Variants in CNTN4 observed in about 807,000 individuals in gnomAD.
The protein encoded by CNTN4 is contactin 4.
Under a neutral mutation model 122.5 loss-of-function variants are expected in CNTN4, and 77 were observed. That is an observed-to-expected ratio of 0.63 (90% CI 0.52 to 0.76). The LOEUF (loss-of-function observed/expected upper bound fraction) is 0.76, where lower values mean the gene tolerates loss of function less well. Ranked by LOEUF, CNTN4 falls within the 30% of genes least tolerant of loss-of-function variation. The pLI is 0.00. For missense variants in CNTN4, 1,256 were observed against 1,259.1 expected (o/e 1.00, Z 0.04); for synonymous variants, 512 against 447.0 (o/e 1.15, Z -1.83).
chr3:2,844,072 C>T (rs565043070), intron 7 of CNTN4, among the ~76,000 whole-genome samples: 25 of 152,272 alleles, frequency 1.6e-4, no homozygotes, highest in Admixed American at 3.3e-4. Context: ...ACATGAAACA[C>T]GTCCCTCCTA....
chr3:2,723,492 C>G (rs2087997096), intron 4 of CNTN4, among the ~76,000 whole-genome samples: 1 of 152,180 alleles, frequency 6.6e-6, no homozygotes, highest in Admixed American at 6.5e-5. Context: ...GAGGGCTGCT[C>G]TGTGCTTCCA....
rs116479751 is a variant in CNTN4, at chr3:2,522,655, T to C, written c.-88-48761T>C. On this transcript the variant is annotated intron_variant, in intron 3 of 24. Coordinates refer to ENST00000418658, the MANE Select transcript of CNTN4 (RefSeq NM_175607.3). ...AGTTTGGACAGTGCTTCTTAAACAT[T>C]AGTGTGTGGAAATGCAGATTCTGAT... 2.9e-3 allele frequency among the ~76,000 whole-genome samples: 443 copies of C among 152,076 alleles called. 2 individuals carry two copies. Among genetic ancestry groups the C allele is most frequent in the African/African-American group, 0.01 (421 of 41,508 alleles).
At position 2,481,137 on chromosome 3, in the gene CNTN4, CTCTT is replaced by C. The variant is rs774784496; in HGVS notation, c.-88-90269_-88-90266del. Among the ~76,000 whole-genome samples the C allele has an allele frequency of 1.8e-3, 236 of 133,754 alleles. 2 individuals carry two copies. Among genetic ancestry groups the C allele is most frequent in the Non-Finnish European group, 2.8e-3 (170 of 61,358 alleles). 87.7% of individuals were successfully genotyped at this position (133,754 alleles called of 152,430 possible). On this transcript the variant is annotated intron_variant, in intron 3 of 24. Coordinates refer to ENST00000418658, the MANE Select transcript of CNTN4 (RefSeq NM_175607.3). ...TCTCTCTTTCTCCCTCTTTCTTTCT[CTCTT>C]TCTTTCTTTGTTTTTTTGAAACAGA...
At chr3:2,110,127 A>G (rs1335408176) in intron 2 of CNTN4, among the ~76,000 whole-genome samples, 1 of 152,236 alleles carries the variant, frequency 6.6e-6, no homozygotes, top group Non-Finnish European at 1.5e-5. Context: ...CATGATAAAC[A>G]TAGTTTGGTG....
Position 2,769,557 on chromosome 3 carries a change from C to T in CNTN4, c.358+23860C>T, listed in dbSNP as rs73807923. Reference sequence around the variant, plus strand: ...GATACTATCTTTCTGTAATTTTTCACGTTGAAAAGTTCTGTCTTTTATGTA... The same window carrying T: ...GATACTATCTTTCTGTAATTTTTCATGTTGAAAAGTTCTGTCTTTTATGTA... On this transcript the variant is annotated intron_variant, in intron 6 of 24. Coordinates refer to ENST00000418658, the MANE Select transcript of CNTN4 (RefSeq NM_175607.3). Among the ~76,000 whole-genome samples the T allele has an allele frequency of 2.3e-3, 343 of 151,830 alleles. 1 individual carries two copies. The highest frequency in any genetic ancestry group is 8.1e-3 in the African/African-American group (337 of 41,404).
intron 4 of CNTN4, among the ~76,000 whole-genome samples, chr3:2,639,130 T>C (rs748827407): frequency 6.6e-6 from 1 of 152,182 alleles, no homozygotes; most frequent in East Asian, 1.9e-4. Context: ...TTTTTTTTCT[T>C]CAAAAACTTG....
chr3:2,555,932 C>T (rs1433385129), intron 3 of CNTN4, among the ~76,000 whole-genome samples: 1 of 152,090 alleles, frequency 6.6e-6, no homozygotes, highest in Non-Finnish European at 1.5e-5. Context: ...AGGGAATCTG[C>T]CATGGGTAAC....
intron 2 of CNTN4, among the ~76,000 whole-genome samples, chr3:2,264,997 T>G (rs1047725114): frequency 6.6e-6 from 1 of 152,032 alleles, no homozygotes; most frequent in African/African-American, 2.4e-5. Flanking sequence ...GTGTAATCTT[T>G]CATCCCTCAC....
chr3:2,251,611 G>GAGAAAT (rs2040382458), intron 2 of CNTN4, among the ~76,000 whole-genome samples: 1 of 151,796 alleles, frequency 6.6e-6, no homozygotes, highest in South Asian at 2.1e-4. Flanking sequence ...TTGGATAGGA[G>GAGAAAT]AGAAATGAAG....
intron 2 of CNTN4, among the ~76,000 whole-genome samples, chr3:2,164,090 T>G (rs942529852): frequency 6.6e-6 from 1 of 152,022 alleles, no homozygotes; most frequent in Admixed American, 6.6e-5. Context: ...GCTTGGGTGA[T>G]GAGTGCACCA....
At chr3:2,159,229 A>G (rs1020278484) in intron 2 of CNTN4, among the ~76,000 whole-genome samples, 2 of 152,136 alleles carry the variant, frequency 1.3e-5, no homozygotes, top group South Asian at 2.1e-4. Flanking sequence ...GTATGAACAC[A>G]TTGCTCTCTT....
chr3:2,362,173 C>A (rs535751212), intron 3 of CNTN4: 4 of 162,672 alleles, frequency 2.5e-5, no homozygotes, highest in African/African-American at 7.2e-5. Context: ...GGGCCCAGAT[C>A]TATCAGGGGT....
At chr3:2,099,714 T>TG (rs891055323) in intron 1 of CNTN4, 4 of 152,280 alleles carry the variant, frequency 2.6e-5, no homozygotes, top group African/African-American at 7.2e-5. Context: ...CAGCAACTTC[T>TG]GGGGGGTTTC....
At chr3:2,890,384 G>T (rs1386587073) in intron 10 of CNTN4, among the ~76,000 whole-genome samples, 2 of 152,086 alleles carry the variant, frequency 1.3e-5, no homozygotes, top group African/African-American at 4.8e-5. Context: ...GATGATAAAA[G>T]GTGAGAAAGT....
At chr3:2,743,752 A>G (rs1050634158) in intron 5 of CNTN4, among the ~76,000 whole-genome samples, 3 of 152,202 alleles carry the variant, frequency 2.0e-5, no homozygotes, top group Non-Finnish European at 4.4e-5. Flanking sequence ...CAGCATTCCT[A>G]CATAAAGGAG....
intron 3 of CNTN4, among the ~76,000 whole-genome samples, chr3:2,418,204 T>C (rs1575588933): frequency 6.6e-6 from 1 of 152,134 alleles, no homozygotes; most frequent in East Asian, 1.9e-4. Context: ...TGGTGAGGTA[T>C]ATTGATAGTT....
chr3:2,517,313 A>T (rs1352053449), intron 3 of CNTN4, among the ~76,000 whole-genome samples: 1 of 152,086 alleles, frequency 6.6e-6, no homozygotes, highest in Non-Finnish European at 1.5e-5. Context: ...GATATTGATA[A>T]ATATGTATTT....
At chr3:2,557,523 C>G (rs907833931) in intron 3 of CNTN4, among the ~76,000 whole-genome samples, 1 of 152,072 alleles carries the variant, frequency 6.6e-6, no homozygotes, top group East Asian at 1.9e-4. Context: ...GTCAGGAGAT[C>G]GAGACCATCC....
chr3:2,111,090 A>G (rs1456252522), intron 2 of CNTN4, among the ~76,000 whole-genome samples: 1 of 152,182 alleles, frequency 6.6e-6, no homozygotes, highest in Non-Finnish European at 1.5e-5. Context: ...CTTACTAGTT[A>G]CTAGAGTCTA....
Sources: allele counts gnomAD v4.1 joint callset (sites outside exome capture counted in the v4.1 genomes callset), GRCh38; gene constraint gnomAD v4.1.1; transcripts MANE v1.5; gene names NCBI Gene and HGNC (gene_info 2026-07-23, HGNC 2026-07-21).